The following RGS6 variants were observed in gnomAD, a reference collection of about 807,000 sequenced individuals.
RGS6 encodes the protein regulator of G protein signaling 6.
A neutral mutation model predicts 78.5 loss-of-function variants in RGS6; 30 were observed. The ratio of observed to expected loss-of-function variants is 0.38; its 90% confidence interval spans 0.29 to 0.52. The LOEUF is 0.52. Ranked by LOEUF, RGS6 falls within the 20% of genes least tolerant of loss-of-function variation. RGS6 has a pLI of 0.85. For synonymous variants in RGS6, 206 were observed against 206.0 expected (o/e 1.00, Z 0.00); for missense variants, 495 against 609.7 (o/e 0.81, Z 1.98).
At chr14:71,973,375 T>TC in intron 2 of RGS6, among the ~76,000 whole-genome samples, 1 of 152,090 alleles carries the variant, frequency 6.6e-6, no homozygotes, top group East Asian at 1.9e-4. Flanking sequence ...TCACTCTTTT[T>TC]TTTTTTTTAA....
intron 2 of RGS6, among the ~76,000 whole-genome samples, chr14:72,234,168 T>C (rs2050386126): frequency 6.6e-6 from 1 of 151,860 alleles, no homozygotes; most frequent in Non-Finnish European, 1.5e-5. Flanking sequence ...TCCGAATCAT[T>C]CCGTTTTGCT....
intron 17 of RGS6, among the ~76,000 whole-genome samples, chr14:72,545,691 T>C (rs2097385993): frequency 6.6e-6 from 1 of 152,158 alleles, no homozygotes; most frequent in Admixed American, 6.5e-5. Context: ...AGACTTGAGT[T>C]GGGTGTATTT....
intron 14 of RGS6, among the ~76,000 whole-genome samples, chr14:72,514,390 G>A (rs2096915450): frequency 6.6e-6 from 1 of 152,202 alleles, no homozygotes; most frequent in South Asian, 2.1e-4. Context: ...TGGTAGGATG[G>A]AGAATGATCA....
In RGS6 at chr14:72,107,857, A is replaced by G. The variant is rs149815133; in HGVS notation, c.84+142982A>G. On this transcript the variant is annotated intron_variant, in intron 2 of 17. Transcript: ENST00000553525. ...TGCATGCTTCCACATTACACACACA[A>G]TATTAATACTACCACCACCAATTAT... Among the ~76,000 whole-genome samples, 364 of 147,696 alleles carry G rather than the reference A, an allele frequency of 2.5e-3. 11 individuals are homozygous for G. The East Asian group carries it at 0.061, about 25-fold the overall frequency.
At chr14:72,186,915 A>G (rs1021269966) in intron 2 of RGS6, among the ~76,000 whole-genome samples, 1 of 152,222 alleles carries the variant, frequency 6.6e-6, no homozygotes, top group African/African-American at 2.4e-5. Context: ...AGCCCTTGAG[A>G]GGACCAGTTC....
chr14:72,285,961 G>A (rs191073827), intron 2 of RGS6, among the ~76,000 whole-genome samples: 2 of 152,202 alleles, frequency 1.3e-5, no homozygotes, highest in East Asian at 3.9e-4. Flanking sequence ...CATTTCATAG[G>A]CTGCCTTTTC....
At chr14:72,197,896 C>A (rs567341072) in intron 2 of RGS6, among the ~76,000 whole-genome samples, 1 of 151,778 alleles carries the variant, frequency 6.6e-6, no homozygotes, top group African/African-American at 2.4e-5. Flanking sequence ...AGATGCTAAC[C>A]AATGCTCTTA....
At position 72,562,407 on chromosome 14, in the gene RGS6, C is replaced by A. The variant is rs1308053045; in HGVS notation, c.1423-10C>A. 2 of 1,612,266 alleles carry A rather than the reference C, an allele frequency of 1.2e-6. No homozygotes were observed. The highest frequency in any genetic ancestry group is 8.5e-7 in the Non-Finnish European group (1 of 1,179,942). ...CCTGTGCGTGCCTCTCTGTCGCTGT[C>A]TCTCTGCAGGGAAAGTCGCTGGCGG... On this transcript the variant is annotated splice_polypyrimidine_tract_variant and intron_variant, in intron 17 of 17. Coordinates refer to ENST00000553525, the MANE Select transcript of RGS6 (RefSeq NM_001204424.2).
intron 2 of RGS6, among the ~76,000 whole-genome samples, chr14:72,270,107 C>T (rs543715565): frequency 6.6e-6 from 1 of 152,270 alleles, no homozygotes; most frequent in South Asian, 2.1e-4. Flanking sequence ...GAGAGGCTTC[C>T]TGGAGGAGGT....
chr14:72,127,463 T>C (rs1446173579), intron 2 of RGS6, among the ~76,000 whole-genome samples: 1 of 152,222 alleles, frequency 6.6e-6, no homozygotes, highest in East Asian at 1.9e-4. Flanking sequence ...AACAAGATAA[T>C]TCTTAAGCTG....
At chr14:72,166,966 G>T (rs1243449096) in intron 2 of RGS6, among the ~76,000 whole-genome samples, 1 of 152,152 alleles carries the variant, frequency 6.6e-6, no homozygotes. Context: ...GCCAGGTATT[G>T]TTTTAAATAT....
intron 2 of RGS6, among the ~76,000 whole-genome samples, chr14:72,236,709 C>T (rs561299812): frequency 4.6e-5 from 7 of 151,514 alleles, no homozygotes. Context: ...TCACTTCCCA[C>T]ACGGTGAGGG....
chr14:72,541,596 T>G, intron 17 of RGS6: 1 of 1,535,682 alleles, frequency 6.5e-7, no homozygotes, highest in Non-Finnish European at 8.7e-7. Flanking sequence ...GGGACTTCCT[T>G]CACTCCATGA....
chr14:72,477,437 G>C (rs2096265970), intron 11 of RGS6, among the ~76,000 whole-genome samples: 1 of 152,036 alleles, frequency 6.6e-6, no homozygotes, highest in Middle Eastern at 3.4e-3. Context: ...ACTTTGAGGT[G>C]CTTGCCCTTG....
the RGS6 span, among the ~76,000 whole-genome samples, chr14:71,893,895 C>T: frequency 1.3e-5 from 2 of 152,114 alleles, no homozygotes; most frequent in African/African-American, 2.4e-5. Context: ...GTGTGTAAGG[C>T]TGATCCTCTG....
intron 1 of RGS6, among the ~76,000 whole-genome samples, chr14:71,951,815 A>C (rs2092347994): frequency 1.3e-5 from 2 of 152,184 alleles, no homozygotes; most frequent in South Asian, 4.1e-4. Flanking sequence ...AAATTATTGC[A>C]CATCTTTTAA....
At chr14:72,368,570 G>C (rs2152823989) in intron 3 of RGS6, among the ~76,000 whole-genome samples, 1 of 152,224 alleles carries the variant, frequency 6.6e-6, no homozygotes, top group Non-Finnish European at 1.5e-5. Context: ...GGACAACTTT[G>C]ACCTTTAGAA....
the RGS6 span, among the ~76,000 whole-genome samples, chr14:71,925,108 C>G: frequency 6.6e-6 from 1 of 152,058 alleles, no homozygotes; most frequent in Non-Finnish European, 1.5e-5. Flanking sequence ...GATAGCTATT[C>G]TAATAGGCAG....
intron 2 of RGS6, among the ~76,000 whole-genome samples, chr14:72,145,042 A>G (rs1033563026): frequency 4.6e-5 from 7 of 151,912 alleles, no homozygotes; most frequent in Admixed American, 2.6e-4. Flanking sequence ...CTTGCTGTCT[A>G]TGTTCCTGGG....
Sources: gnomAD v4.1 joint callset for allele counts (sites outside exome capture counted in the v4.1 genomes callset) on GRCh38, gnomAD v4.1.1 for gene constraint, MANE v1.5 for transcripts, NCBI Gene and HGNC (gene_info 2026-07-23, HGNC 2026-07-21) for gene names.